FSIP1: variants seen among roughly 807,000 people sequenced by gnomAD.
FSIP1 encodes the protein fibrous sheath-interacting protein 1.
In FSIP1, 65 loss-of-function variants were observed where a neutral mutation model predicts 60.9. The observed-to-expected ratio is 1.07, with a 90% CI of 0.87 to 1.31. The LOEUF (loss-of-function observed/expected upper bound fraction) is 1.31. Among genes scored for constraint, FSIP1 ranks in the 40% most tolerant of loss-of-function variants. The pLI, the probability that FSIP1 is intolerant of heterozygous loss-of-function variation, is 0.00. For missense variants in FSIP1, 675 were observed against 665.5 expected (o/e 1.01, Z -0.16); for synonymous variants, 209 against 221.2 (o/e 0.94, Z 0.49).
chr15:39,694,254 CT>C (rs2140510287), intron 10 of FSIP1, among the ~76,000 whole-genome samples: 1 of 151,602 alleles, frequency 6.6e-6, no homozygotes, highest in South Asian at 2.1e-4. Flanking sequence ...ATTGCATTTA[CT>C]AATTTACTAT....
In FSIP1 at chr15:39,718,849, C is replaced by A. The variant is rs919616108; in HGVS notation, c.1051-5268G>T. 2.0e-5 allele frequency among the ~76,000 whole-genome samples: 3 copies of A among 152,172 alleles called. 1 individual carries two copies. The highest frequency in any genetic ancestry group is 2.0e-4 in the Admixed American group (3 of 15,266). On this transcript the variant is annotated intron_variant, in intron 9 of 11. Coordinates refer to ENST00000350221, the MANE Select transcript of FSIP1 (RefSeq NM_152597.5). ...TTTTTGTCCTGCTCTGACAATGTGA[C>A]TCTCCATACCTAAGAGGTATACACC...
At chr15:39,769,804 A>G (rs1229645305) in intron 3 of FSIP1, among the ~76,000 whole-genome samples, 2 of 152,190 alleles carry the variant, frequency 1.3e-5, no homozygotes, top group Admixed American at 1.3e-4. Flanking sequence ...GATTCATGAT[A>G]AAGCACCAGC....
chr15:39,709,330 C>T lies in FSIP1; in HGVS notation c.1188+4114G>A, dbSNP rs118043485. On this transcript the variant is annotated intron_variant, in intron 10 of 11. Coordinates refer to ENST00000350221, the MANE Select transcript of FSIP1 (RefSeq NM_152597.5). Reference sequence around the variant, plus strand: ...GCAAAACTGCAAAGTTGGCCATTTCCTATCATTCAGAAACCACATTCTCTG... The same window carrying T: ...GCAAAACTGCAAAGTTGGCCATTTCTTATCATTCAGAAACCACATTCTCTG... Among the ~76,000 whole-genome samples the T allele has an allele frequency of 1.3e-3, 203 of 152,324 alleles. 5 individuals carry two copies. In the East Asian group the frequency reaches 0.03, roughly 22 times the overall value.
intron 10 of FSIP1, among the ~76,000 whole-genome samples, chr15:39,674,537 G>C (rs1193907681): frequency 6.6e-6 from 1 of 151,896 alleles, no homozygotes; most frequent in Middle Eastern, 3.4e-3. Flanking sequence ...CTCTGGACAG[G>C]GAGAGACATA....
At position 39,637,736 on chromosome 15, in the gene FSIP1, G is replaced by C. The variant is rs189578214; in HGVS notation, c.1189-19491C>G. On this transcript the variant is annotated intron_variant, in intron 10 of 11. Coordinates refer to ENST00000350221, the MANE Select transcript of FSIP1 (RefSeq NM_152597.5). ...AGAGGCAAGCTCTGAATCCTGCTAA[G>C]ATTCACAAACTGGGGAACTTCCCAA... Among the ~76,000 whole-genome samples, 577 of 152,012 alleles carry C rather than the reference G, an allele frequency of 3.8e-3. 4 individuals carry two copies. Among genetic ancestry groups the C allele is most frequent in the African/African-American group, 0.013 (554 of 41,450 alleles).
At chr15:39,699,412 A>G (rs1426227171) in intron 10 of FSIP1, among the ~76,000 whole-genome samples, 2 of 152,262 alleles carry the variant, frequency 1.3e-5, no homozygotes, top group Non-Finnish European at 2.9e-5. Flanking sequence ...GGAAACTTTG[A>G]GAATATAATG....
chr15:39,779,380 C>G (rs1898172083), intron 1 of FSIP1, among the ~76,000 whole-genome samples: 1 of 152,038 alleles, frequency 6.6e-6, no homozygotes, highest in African/African-American at 2.4e-5. Flanking sequence ...GTTCTTGTCC[C>G]CTTGCTTATC....
At chr15:39,602,477 A>G in intron 11 of FSIP1, 1 of 417,772 alleles carries the variant, frequency 2.4e-6, no homozygotes, top group South Asian at 1.7e-5. Context: ...CAAATATATG[A>G]ATTATATCTC....
chr15:39,742,705 A>G (rs562548544), intron 5 of FSIP1, among the ~76,000 whole-genome samples: 1 of 152,300 alleles, frequency 6.6e-6, no homozygotes, highest in South Asian at 2.1e-4. Flanking sequence ...ATACAGACAA[A>G]GGAAGCAGGC....
At chr15:39,637,179 C>T (rs1319105845) in intron 10 of FSIP1, among the ~76,000 whole-genome samples, 1 of 152,240 alleles carries the variant, frequency 6.6e-6, no homozygotes, top group East Asian at 1.9e-4. Context: ...CCAATCCCAG[C>T]TTCCCCCAAT....
chr15:39,757,510 T>C (rs1025828056), intron 5 of FSIP1, among the ~76,000 whole-genome samples: 25 of 152,146 alleles, frequency 1.6e-4, no homozygotes, highest in Non-Finnish European at 4.4e-5. Context: ...GTAATAGTTA[T>C]GTAGTCCAAA....
intron 10 of FSIP1, among the ~76,000 whole-genome samples, chr15:39,644,390 G>A (rs1892504752): frequency 6.6e-6 from 1 of 152,134 alleles, no homozygotes; most frequent in Non-Finnish European, 1.5e-5. Flanking sequence ...CCCGGGGACA[G>A]GTCACCCCAG....
rs747074667 is a variant in FSIP1, at chr15:39,776,389, C to A, written c.126+10G>T. ...GAAAGGAGTTTAAATCTTTTCTAAA[C>A]GTAAATTACCTTGAAGGATCCTGGT... is the stretch of plus-strand genomic sequence containing the variant. On this transcript the variant is annotated intron_variant, in intron 2 of 11. Transcript: ENST00000350221. 1 of 1,608,744 alleles carries A rather than the reference C, an allele frequency of 6.2e-7. No homozygotes were observed.
chr15:39,756,753 G>A (rs1212401725), intron 5 of FSIP1, among the ~76,000 whole-genome samples: 1 of 152,046 alleles, frequency 6.6e-6, no homozygotes, highest in Non-Finnish European at 1.5e-5. Flanking sequence ...AGTAGGTTTG[G>A]GTATATTGAT....
chr15:39,750,025 G>C (rs548543414), intron 5 of FSIP1, among the ~76,000 whole-genome samples: 1 of 151,568 alleles, frequency 6.6e-6, no homozygotes, highest in Non-Finnish European at 1.5e-5. Context: ...AAACAACCTA[G>C]CCTAAAAAAA....
At chr15:39,720,295 T>A (rs1231621527) in intron 9 of FSIP1, among the ~76,000 whole-genome samples, 1 of 152,174 alleles carries the variant, frequency 6.6e-6, no homozygotes, top group East Asian at 1.9e-4. Context: ...AGAAAGGAGA[T>A]CAATACAAAC....
At chr15:39,755,770 T>C (rs530836390) in intron 5 of FSIP1, among the ~76,000 whole-genome samples, 1 of 152,278 alleles carries the variant, frequency 6.6e-6, no homozygotes, top group African/African-American at 2.4e-5. Context: ...ATGATGTTGA[T>C]GTTTTGTGTT....
chr15:39,750,895 G>A (rs1897141867), intron 5 of FSIP1, among the ~76,000 whole-genome samples: 1 of 151,890 alleles, frequency 6.6e-6, no homozygotes, highest in Non-Finnish European at 1.5e-5. Flanking sequence ...CTGATAAGGT[G>A]TTAATATTCA....
intron 10 of FSIP1, among the ~76,000 whole-genome samples, chr15:39,689,681 G>T (rs1410384889): frequency 1.3e-5 from 2 of 152,168 alleles, no homozygotes; most frequent in Non-Finnish European, 1.5e-5. Context: ...TGGGGACAAA[G>T]ACTAAATATG....
Sources: gnomAD v4.1 joint callset for allele counts (sites outside exome capture counted in the v4.1 genomes callset) on GRCh38, gnomAD v4.1.1 for gene constraint, MANE v1.5 for transcripts, NCBI Gene and HGNC (gene_info 2026-07-23, HGNC 2026-07-21) for gene names.